PPIP5K2: variants seen among roughly 807,000 people sequenced by gnomAD.
PPIP5K2 encodes the protein inositol hexakisphosphate and diphosphoinositol-pentakisphosphate kinase 2.
Under a neutral mutation model 154.6 loss-of-function variants are expected in PPIP5K2, and 105 were observed. The ratio of observed to expected loss-of-function variants is 0.68; its 90% CI spans 0.58 to 0.80. The LOEUF is 0.80. Ranked by LOEUF, PPIP5K2 falls within the 30% of genes least tolerant of loss-of-function variation. The pLI is 0.00. For missense variants in PPIP5K2, 992 were observed against 1,504.6 expected (o/e 0.66, Z 5.64); for synonymous variants, 480 against 490.3 (o/e 0.98, Z 0.28).
Position 103,205,305 on chromosome 5 carries a change from C to T in PPIP5K2, c.*3671C>T, listed in dbSNP as rs966459869. 3.3e-5 allele frequency: 5 copies of T among 152,142 alleles called. No homozygotes were observed. The highest frequency in any genetic ancestry group is 7.3e-5 in the Non-Finnish European group (5 of 68,032). 9.4% of individuals were successfully genotyped at this position (152,142 alleles called of 1,614,324 possible). Reference sequence around the variant, plus strand: ...TGTGAATAGTGCCACAATAAACATACGTGTGCATGTGTCTTTATAGTGGCA... The same window carrying T: ...TGTGAATAGTGCCACAATAAACATATGTGTGCATGTGTCTTTATAGTGGCA... On this transcript the variant is annotated 3_prime_UTR_variant, in exon 31 of 31. Transcript: ENST00000358359.
At chr5:103,163,502 C>T (rs557349188) in intron 17 of PPIP5K2, among the ~76,000 whole-genome samples, 1 of 151,988 alleles carries the variant, frequency 6.6e-6, no homozygotes, top group East Asian at 1.9e-4. Flanking sequence ...TCTTTAACTG[C>T]ACATCTATAC....
intron 20 of PPIP5K2, among the ~76,000 whole-genome samples, chr5:103,173,577 G>A (rs1439141051): frequency 6.6e-6 from 1 of 151,852 alleles, no homozygotes; most frequent in Admixed American, 6.6e-5. Flanking sequence ...TATAACCTCT[G>A]TCATTGCTAC....
intron 4 of PPIP5K2, among the ~76,000 whole-genome samples, chr5:103,137,458 G>A (rs1289677028): frequency 6.6e-6 from 1 of 151,922 alleles, no homozygotes; most frequent in African/African-American, 2.4e-5. Flanking sequence ...CACCGCACCC[G>A]GCCTATAACT....
Position 103,177,728 on chromosome 5 carries a change from A to G in PPIP5K2, c.2591A>G (p.Asn864Ser). Residue 864 changes from asparagine (N) to serine (S), a missense_variant, in exon 22 of 31, where the codon AAC becomes AGC. Transcript: ENST00000358359. ...TATTTAAACGTTGTCAATGAGCTCA[A>G]CTACATGACTCAGATTGTTATCATG... Reference protein sequence around the residue: ...MDYLNVVNELNYMTQIVIMLY... With the variant: ...MDYLNVVNELSYMTQIVIMLY... 2.5e-6 allele frequency: 4 copies of G among 1,612,276 alleles called. No homozygotes were observed. Among genetic ancestry groups the G allele is most frequent in the Non-Finnish European group, 3.4e-6 (4 of 1,179,060 alleles).
At position 103,195,004 on chromosome 5, in the gene PPIP5K2, A is replaced by G. The variant is rs1554228064; in HGVS notation, c.3598A>G (p.Thr1200Ala). ...LPTPPATLKS[T>A]KASSKPATSG... The stretch of plus-strand genomic sequence containing the variant: ...AACACCACCAGCTACCTTAAAGAGC[A>G]CTAAAGCAAGCAGCAAACCAGGTAA... Residue 1200 changes from threonine (T) to alanine (A), a missense_variant, in exon 30 of 31, where the codon ACT becomes GCT. Thr to Ala is a moderately conservative substitution (Grantham distance 58, BLOSUM62 0). This residue lies in a region of PPIP5K2 where 131 missense variants were observed against 117.8 expected (regional missense o/e 1.11). Coordinates refer to ENST00000358359, the MANE Select transcript of PPIP5K2 (RefSeq NM_001276277.3). The G allele has an allele frequency of 3.7e-6, 6 of 1,613,872 alleles. No individual in the cohort carries two copies. Among genetic ancestry groups the G allele is most frequent in the African/African-American group, 1.3e-5 (1 of 75,046 alleles).
chr5:103,120,523 C>T, intron 1 of PPIP5K2, 35 bp downstream of exon 1: 1 of 456,610 alleles, frequency 2.2e-6, no homozygotes, highest in Non-Finnish European at 4.4e-6. Flanking sequence ...ACCGGAGATG[C>T]GGAACCTGAT....
chr5:103,182,577 C>G (rs577348899), intron 24 of PPIP5K2, among the ~76,000 whole-genome samples: 93 of 152,248 alleles, frequency 6.1e-4, no homozygotes, highest in Non-Finnish European at 8.1e-4. Flanking sequence ...TCTCTGAAAC[C>G]TGAACATGCA....
chr5:103,205,930 A>C lies in PPIP5K2; in HGVS notation c.*4296A>C, dbSNP rs1803491489. ...GTGTCACTTTGTTTTAGGTTATTTAATATAGTATATATTGGGTTTTGCTTT... is the reference window on the plus strand; with the variant it reads ...GTGTCACTTTGTTTTAGGTTATTTACTATAGTATATATTGGGTTTTGCTTT... On this transcript the variant is annotated 3_prime_UTR_variant, in exon 31 of 31. Transcript: ENST00000358359. 6.6e-6 allele frequency: 1 copy of C among 152,102 alleles called. No individual in the cohort carries two copies. The highest frequency in any genetic ancestry group is 2.4e-5 in the African/African-American group (1 of 41,438). The allele number at this position is 152,102 out of a possible 1,614,324, so 9.4% of individuals were successfully genotyped here.
chr5:103,185,317 A>T (rs1397042357), intron 26 of PPIP5K2, among the ~76,000 whole-genome samples: 1 of 152,260 alleles, frequency 6.6e-6, no homozygotes, highest in African/African-American at 2.4e-5. Context: ...TTTGAAGCTC[A>T]TGGTTGATAA....
In PPIP5K2 at chr5:103,205,963, A is replaced by G. The variant is rs1460912481; in HGVS notation, c.*4329A>G. The G allele has an allele frequency of 6.6e-6, 1 of 152,062 alleles. No individual in the cohort carries two copies. Among genetic ancestry groups the G allele is most frequent in the Non-Finnish European group, 1.5e-5 (1 of 68,014 alleles). 9.4% of individuals were successfully genotyped at this position (152,062 alleles called of 1,614,324 possible). ...TATATTGGGTTTTGCTTTGTGATTCAATTTTAAGATCCCTTTTACTTAATA... is the reference window on the plus strand; with the variant it reads ...TATATTGGGTTTTGCTTTGTGATTCGATTTTAAGATCCCTTTTACTTAATA... On this transcript the variant is annotated 3_prime_UTR_variant, in exon 31 of 31. Coordinates refer to ENST00000358359, the MANE Select transcript of PPIP5K2 (RefSeq NM_001276277.3).
intron 20 of PPIP5K2, among the ~76,000 whole-genome samples, chr5:103,173,635 G>A (rs1798280655): frequency 6.6e-6 from 1 of 151,872 alleles, no homozygotes; most frequent in Admixed American, 6.6e-5. Context: ...CTAATATTAA[G>A]TCTATTCTTT....
In PPIP5K2 at chr5:103,205,817, C is replaced by G. The variant is rs532193266; in HGVS notation, c.*4183C>G. 24 of 152,130 alleles carry G rather than the reference C, an allele frequency of 1.6e-4. No homozygotes were observed. The highest frequency in any genetic ancestry group is 1.2e-3 in the Admixed American group (18 of 15,280). The allele number at this position is 152,130 out of a possible 1,614,324, so 9.4% of individuals were successfully genotyped here. A position where few individuals can be genotyped will look rare whatever the true frequency, so the allele number is the denominator to read the frequency against. ...TTTTGTCCATTGGATACTTTTTGTT[C>G]TATAAATTGTCAGATATTAAGATTA... On this transcript the variant is annotated 3_prime_UTR_variant, in exon 31 of 31. Transcript: ENST00000358359.
At chr5:103,154,329 G>T (rs1554212343) in intron 11 of PPIP5K2, among the ~76,000 whole-genome samples, 1 of 151,932 alleles carries the variant, frequency 6.6e-6, no homozygotes, top group Non-Finnish European at 1.5e-5. Flanking sequence ...TGAAAACCCT[G>T]AGCCATTAAG....
chr5:103,154,747 C>T lies in PPIP5K2; in HGVS notation c.1293+2C>T, dbSNP rs139998338. 5.1e-5 allele frequency: 80 copies of T among 1,580,452 alleles called. No individual in the cohort carries two copies. The highest frequency in any genetic ancestry group is 6.5e-5 in the Non-Finnish European group (76 of 1,162,714). On this transcript the variant is annotated splice_donor_variant, in intron 12 of 30. Transcript: ENST00000358359. LOFTEE classifies it low-confidence loss of function (GC_TO_GT_DONOR). ...CTCAAAAAACCAAAACAGTTACAGG[C>T]AAGTGTATTTGCTTTCTTGTTTAAT...
At chr5:103,199,882 T>G (rs535694521) in intron 30 of PPIP5K2, among the ~76,000 whole-genome samples, 4 of 152,178 alleles carry the variant, frequency 2.6e-5, no homozygotes, top group Non-Finnish European at 5.9e-5. Context: ...ATAGTTAGAA[T>G]TGCTGCTTTA....
chr5:103,121,756 G>A (rs554105421), intron 1 of PPIP5K2, among the ~76,000 whole-genome samples: 1 of 152,170 alleles, frequency 6.6e-6, no homozygotes, highest in Non-Finnish European at 1.5e-5. Context: ...TAAAATCAAA[G>A]GTTGCTGTTT....
intron 1 of PPIP5K2, among the ~76,000 whole-genome samples, chr5:103,123,134 TAAC>T (rs1162380619): frequency 6.6e-6 from 1 of 152,342 alleles, no homozygotes; most frequent in East Asian, 1.9e-4. Context: ...AAAACTGTCA[TAAC>T]AACATTTAAC....
chr5:103,130,115 A>C (rs1309250605), intron 2 of PPIP5K2, among the ~76,000 whole-genome samples: 1 of 152,202 alleles, frequency 6.6e-6, no homozygotes, highest in Non-Finnish European at 1.5e-5. Flanking sequence ...TACCAATGTG[A>C]GTTCTGGTTG....
At chr5:103,155,012 T>G in intron 13 of PPIP5K2, 69 bp downstream of exon 13, 2 of 893,676 alleles carry the variant, frequency 2.2e-6, no homozygotes, top group Non-Finnish European at 3.2e-6. Context: ...TATGTGATTT[T>G]CCATTTTAAT....
Sources: gnomAD v4.1 joint callset for allele counts (sites outside exome capture counted in the v4.1 genomes callset) on GRCh38, gnomAD v4.1.1 for gene constraint, gnomAD v4.1.1 regional missense constraint, MANE v1.5 for transcripts, NCBI Gene and HGNC (gene_info 2026-07-23, HGNC 2026-07-21) for gene names.